Variants in ALPK1 observed in about 807,000 individuals in gnomAD.
The protein encoded by ALPK1 is alpha-protein kinase 1.
A neutral mutation model predicts 120.6 loss-of-function variants in ALPK1; 110 were observed. The observed-to-expected ratio is 0.91, with a 90% confidence interval of 0.78 to 1.07. The LOEUF (loss-of-function observed/expected upper bound fraction) is 1.07, where lower values mean the gene tolerates loss of function less well. ALPK1 is among the 50% of genes least tolerant of loss of function. The pLI is 0.00. For synonymous variants in ALPK1, 582 were observed against 560.3 expected (o/e 1.04, Z -0.55); for missense variants, 1,498 against 1,483.9 (o/e 1.01, Z -0.16).
intron 12 of ALPK1, 70 bp downstream of exon 12, chr4:112,435,371 T>C (rs1219126654): frequency 6.9e-7 from 1 of 1,445,542 alleles, no homozygotes; most frequent in African/African-American, 1.4e-5. Context: ...AAGTAATCAC[T>C]CATGAGACTT....
chr4:112,299,188 A>T (rs1727680300), intron 1 of ALPK1, among the ~76,000 whole-genome samples: 1 of 151,940 alleles, frequency 6.6e-6, no homozygotes, highest in Non-Finnish European at 1.5e-5. Context: ...AATATGCTTT[A>T]TTTATAGAGA....
chr4:112,374,838 C>T (rs1458890677), intron 2 of ALPK1, among the ~76,000 whole-genome samples: 1 of 152,176 alleles, frequency 6.6e-6, no homozygotes, highest in Non-Finnish European at 1.5e-5. Flanking sequence ...TAGGTCTCAA[C>T]AGGGCACTTA....
intron 8 of ALPK1, among the ~76,000 whole-genome samples, 163 bp downstream of exon 8, chr4:112,426,706 T>C (rs560952836): frequency 6.6e-6 from 1 of 152,356 alleles, no homozygotes; most frequent in Admixed American, 6.5e-5. Flanking sequence ...TCCTTATGTG[T>C]CTTGCTTCAT....
intron 2 of ALPK1, among the ~76,000 whole-genome samples, chr4:112,339,253 G>T (rs74347342): frequency 1.3e-4 from 20 of 152,306 alleles, no homozygotes; most frequent in African/African-American, 4.8e-4. Flanking sequence ...AGCAAAAAGG[G>T]ATAATATGAT....
intron 2 of ALPK1, among the ~76,000 whole-genome samples, chr4:112,328,457 T>A (rs1408962682): frequency 6.6e-6 from 1 of 152,250 alleles, no homozygotes; most frequent in African/African-American, 2.4e-5. Flanking sequence ...CCACATCTTT[T>A]GATTTAGATA....
At chr4:112,415,452 A>G (rs535063106) in intron 5 of ALPK1, among the ~76,000 whole-genome samples, 1 of 152,300 alleles carries the variant, frequency 6.6e-6, no homozygotes, top group Admixed American at 6.5e-5. Context: ...CCTGGCTAAC[A>G]TGGTGAAACC....
chr4:112,325,760 C>T (rs1729089136), intron 2 of ALPK1, among the ~76,000 whole-genome samples: 2 of 152,190 alleles, frequency 1.3e-5, no homozygotes, highest in Non-Finnish European at 2.9e-5. Flanking sequence ...GATTGATTGC[C>T]TCCAGGGTTC....
intron 2 of ALPK1, among the ~76,000 whole-genome samples, chr4:112,316,889 C>T (rs1728659949): frequency 2.6e-5 from 4 of 151,706 alleles, no homozygotes; most frequent in East Asian, 1.9e-4. Context: ...AGGAATGACT[C>T]GCATTCCCAA....
intron 2 of ALPK1, chr4:112,357,968 G>A (rs1189142144): frequency 2.1e-5 from 15 of 706,996 alleles, no homozygotes; most frequent in Non-Finnish European, 3.4e-5. Context: ...GTCTACCGGC[G>A]CCACCTTCCT....
intron 2 of ALPK1, among the ~76,000 whole-genome samples, chr4:112,376,969 T>C (rs1366145112): frequency 6.6e-6 from 1 of 152,232 alleles, no homozygotes; most frequent in African/African-American, 2.4e-5. Context: ...TAGTAAGTTA[T>C]TTCATTCTTG....
intron 1 of ALPK1, among the ~76,000 whole-genome samples, chr4:112,305,406 T>C (rs937476543): frequency 1.3e-5 from 2 of 152,054 alleles, no homozygotes; most frequent in Admixed American, 6.5e-5. Context: ...TCCATTTGTT[T>C]GTGTCCTCTT....
intron 2 of ALPK1, among the ~76,000 whole-genome samples, chr4:112,361,515 T>G (rs1475486006): frequency 6.6e-6 from 1 of 152,120 alleles, no homozygotes; most frequent in Non-Finnish European, 1.5e-5. Flanking sequence ...GAGCATAACT[T>G]CATTGGCCTG....
chr4:112,356,194 C>T, intron 2 of ALPK1: 1 of 1,606,712 alleles, frequency 6.2e-7, no homozygotes, highest in Non-Finnish European at 8.5e-7. Context: ...CCTACAAATG[C>T]CAACAGGAGT....
chr4:112,358,875 G>A (rs1209755756), intron 2 of ALPK1: 1 of 776,690 alleles, frequency 1.3e-6, no homozygotes, highest in East Asian at 2.4e-5. Context: ...TGACTTTGCT[G>A]CCCTGGCGAC....
chr4:112,407,121 C>G (rs1042049669), intron 4 of ALPK1, among the ~76,000 whole-genome samples: 1 of 152,128 alleles, frequency 6.6e-6, no homozygotes. Flanking sequence ...TTCACCCTTA[C>G]AGTAGAATGG....
chr4:112,358,850 C>T, intron 2 of ALPK1: 1 of 791,398 alleles, frequency 1.3e-6, no homozygotes, highest in Non-Finnish European at 2.3e-6. Flanking sequence ...CCCTGCAGGA[C>T]CACAAGGGTT....
At chr4:112,419,106 G>A (rs1327817026) in intron 5 of ALPK1, among the ~76,000 whole-genome samples, 2 of 152,182 alleles carry the variant, frequency 1.3e-5, no homozygotes, top group Non-Finnish European at 2.9e-5. Context: ...CCCATTCTTA[G>A]TTAGCAACAA....
At chr4:112,440,788 C>T in intron 14 of ALPK1, 129 bp from the exon 15 acceptor site, 1 of 1,384,192 alleles carries the variant, frequency 7.2e-7, no homozygotes, top group Non-Finnish European at 9.3e-7. Context: ...CACAGGATGG[C>T]CAAGTTTTTG....
intron 12 of ALPK1, among the ~76,000 whole-genome samples, chr4:112,436,548 A>T (rs543931530): frequency 4.3e-4 from 66 of 152,338 alleles, no homozygotes; most frequent in African/African-American, 1.6e-3. Flanking sequence ...TATGACTGAT[A>T]TCCTTATGAA....
Sources: allele counts gnomAD v4.1 joint callset (sites outside exome capture counted in the v4.1 genomes callset), GRCh38; gene constraint gnomAD v4.1.1; transcripts MANE v1.5; gene names NCBI Gene and HGNC (gene_info 2026-07-23, HGNC 2026-07-21).